SCAPER: variants seen among roughly 807,000 people sequenced by gnomAD.
SCAPER encodes S-phase cyclin A associated protein in the ER, also known as S phase cyclin A-associated protein in the endoplasmic reticulum.
In SCAPER, 98 loss-of-function variants were observed where a neutral mutation model predicts 182.2. The ratio of observed to expected loss-of-function variants is 0.54; its 90% CI spans 0.46 to 0.64. SCAPER has a LOEUF of 0.64. SCAPER is among the 30% of genes least tolerant of loss of function. SCAPER has a pLI of 0.00. For missense variants in SCAPER, 1,432 were observed against 1,690.0 expected (o/e 0.85, Z 2.68); for synonymous variants, 605 against 564.6 (o/e 1.07, Z -1.01).
At chr15:76,497,952 C>G (rs528810424) in intron 24 of SCAPER, among the ~76,000 whole-genome samples, 1 of 127,624 alleles carries the variant, frequency 7.8e-6, no homozygotes, top group Non-Finnish European at 1.6e-5. Context: ...GATTGTGCCA[C>G]TGCACTCCAG....
intron 20 of SCAPER, among the ~76,000 whole-genome samples, chr15:76,693,006 G>A (rs2058461046): frequency 6.6e-6 from 1 of 152,020 alleles, no homozygotes; most frequent in Non-Finnish European, 1.5e-5. Flanking sequence ...ATTACCGATT[G>A]AGAGGGTTAC....
At chr15:76,580,689 A>G (rs971415742) in intron 22 of SCAPER, among the ~76,000 whole-genome samples, 3 of 152,172 alleles carry the variant, frequency 2.0e-5, no homozygotes, top group Non-Finnish European at 4.4e-5. Flanking sequence ...GTTTGTACCT[A>G]TAAGCATTTA....
chr15:76,456,474 G>C (rs2048744278), intron 25 of SCAPER, among the ~76,000 whole-genome samples: 3 of 152,142 alleles, frequency 2.0e-5, no homozygotes, highest in African/African-American at 7.2e-5. Context: ...ATGATTTCAA[G>C]CTCTTTAAAT....
At chr15:76,778,741 T>C (rs1238847226) in intron 8 of SCAPER, among the ~76,000 whole-genome samples, 1 of 151,992 alleles carries the variant, frequency 6.6e-6, no homozygotes, top group African/African-American at 2.4e-5. Flanking sequence ...CATTTTTAAG[T>C]ATACACATAT....
chr15:76,898,495 T>C (rs1481608091), intron 1 of SCAPER, among the ~76,000 whole-genome samples: 31 of 152,188 alleles, frequency 2.0e-4, no homozygotes, highest in Admixed American at 2.0e-3. Flanking sequence ...TGCAAGATGT[T>C]CATGAACTGA....
chr15:76,892,925 T>C (rs2074239738), intron 1 of SCAPER, among the ~76,000 whole-genome samples: 1 of 152,064 alleles, frequency 6.6e-6, no homozygotes. Flanking sequence ...CCAACCCAAA[T>C]GTCCATCAAC....
At chr15:76,654,758 C>T (rs1379742314) in intron 21 of SCAPER, among the ~76,000 whole-genome samples, 1 of 152,174 alleles carries the variant, frequency 6.6e-6, no homozygotes, top group East Asian at 1.9e-4. Flanking sequence ...GCCTGGCTCA[C>T]CAGGTCCTAC....
chr15:76,391,014 C>T (rs2043655617), intron 27 of SCAPER, among the ~76,000 whole-genome samples: 1 of 152,184 alleles, frequency 6.6e-6, no homozygotes, highest in African/African-American at 2.4e-5. Context: ...GTGGCTTCCA[C>T]TCACACTTAA....
chr15:76,361,684 GC>G (rs901141340), intron 29 of SCAPER, among the ~76,000 whole-genome samples: 2 of 152,182 alleles, frequency 1.3e-5, no homozygotes, highest in African/African-American at 4.8e-5. Context: ...TCAAAAAGTT[GC>G]CTAGAATCAT....
At chr15:76,746,702 AATTG>A (rs1274277640) in intron 15 of SCAPER, among the ~76,000 whole-genome samples, 4 of 152,270 alleles carry the variant, frequency 2.6e-5, no homozygotes, top group African/African-American at 7.2e-5. Flanking sequence ...AATATATAAA[AATTG>A]ATTGTGTGTC....
chr15:76,368,971 A>T (rs1376767826), intron 29 of SCAPER, among the ~76,000 whole-genome samples: 1 of 152,196 alleles, frequency 6.6e-6, no homozygotes, highest in Non-Finnish European at 1.5e-5. Context: ...AAATGCCATA[A>T]AATACAGGGA....
intron 24 of SCAPER, among the ~76,000 whole-genome samples, chr15:76,503,788 C>T (rs990078946): frequency 2.0e-5 from 3 of 151,962 alleles, no homozygotes; most frequent in Non-Finnish European, 4.4e-5. Context: ...AAAGCCAATG[C>T]TATTTCTTTT....
intron 1 of SCAPER, among the ~76,000 whole-genome samples, chr15:76,898,656 T>C (rs954026370): frequency 6.6e-6 from 1 of 152,240 alleles, no homozygotes; most frequent in Non-Finnish European, 1.5e-5. Context: ...CTTCGTACTG[T>C]ATAATTCCAT....
rs370344411 is a variant in SCAPER at position 76,599,458 on chromosome 15, A to G, written c.2711+22306T>C. ...AAACTTATATCCAAAATTTATTTCC[A>G]AAAAGTAGAAAGAGCCCAAGTATCC... On this transcript the variant is annotated intron_variant, in intron 22 of 31. Coordinates refer to ENST00000563290, the MANE Select transcript of SCAPER (RefSeq NM_020843.4). Among the ~76,000 whole-genome samples the G allele has an allele frequency of 5.7e-5, 7 of 122,504 alleles. No individual in the cohort carries two copies. The East Asian group carries it at 1.1e-3, about 19-fold the overall frequency. 80.4% of individuals were successfully genotyped at this position (122,504 alleles called of 152,430 possible). A position where few individuals can be genotyped will look rare whatever the true frequency, so the allele number is the denominator to read the frequency against.
intron 24 of SCAPER, among the ~76,000 whole-genome samples, chr15:76,489,120 T>C (rs2052012606): frequency 6.7e-6 from 1 of 150,000 alleles, no homozygotes; most frequent in Admixed American, 6.6e-5. Flanking sequence ...TCAATTTTCT[T>C]GTAAAATAAA....
At chr15:76,740,918 C>T (rs972341551) in intron 15 of SCAPER, among the ~76,000 whole-genome samples, 14 of 152,008 alleles carry the variant, frequency 9.2e-5, no homozygotes, top group African/African-American at 3.4e-4. Flanking sequence ...TATACGAGTG[C>T]TAATTTTCTC....
At chr15:76,863,993 G>T (rs1162402932) in intron 2 of SCAPER, among the ~76,000 whole-genome samples, 1 of 152,126 alleles carries the variant, frequency 6.6e-6, no homozygotes, top group African/African-American at 2.4e-5. Flanking sequence ...CTGTGTGAGT[G>T]AGCCATTTTG....
intron 20 of SCAPER, among the ~76,000 whole-genome samples, chr15:76,666,435 T>C (rs764989264): frequency 9.2e-5 from 14 of 152,226 alleles, no homozygotes; most frequent in Non-Finnish European, 1.6e-4. Flanking sequence ...TTAGATTTTA[T>C]GGCCTATCAC....
At chr15:76,384,914 C>T (rs1449258144) in intron 27 of SCAPER, among the ~76,000 whole-genome samples, 1 of 152,094 alleles carries the variant, frequency 6.6e-6, no homozygotes, top group African/African-American at 2.4e-5. Flanking sequence ...AGTAAAAGGC[C>T]TTATTCATAT....
Sources: gnomAD v4.1 joint callset for allele counts (sites outside exome capture counted in the v4.1 genomes callset) on GRCh38, gnomAD v4.1.1 for gene constraint, MANE v1.5 for transcripts, NCBI Gene and HGNC (gene_info 2026-07-23, HGNC 2026-07-21) for gene names.